Variants in FSTL4 observed in about 807,000 individuals in gnomAD.
FSTL4 encodes the protein follistatin like 4, also known as follistatin-related protein 4.
FSTL4 carries 28 observed loss-of-function variants against 78.2 expected under a neutral mutation model. That is an observed-to-expected ratio of 0.36 (90% CI 0.27 to 0.49). The LOEUF is 0.49. Ranked by LOEUF, FSTL4 falls within the 20% of genes least tolerant of loss-of-function variation. FSTL4 has a pLI of 0.98. For synonymous variants in FSTL4, 422 were observed against 440.5 expected, an observed-to-expected ratio of 0.96 and a Z score of 0.53; for missense variants, 922 against 1,084.9, an observed-to-expected ratio of 0.85 and a Z score of 2.11.
chr5:133,571,008 A>G (rs1056897501), intron 2 of FSTL4, among the ~76,000 whole-genome samples: 1 of 152,024 alleles, frequency 6.6e-6, no homozygotes, highest in African/African-American at 2.4e-5. Context: ...TGAGCTCAAC[A>G]TTTTCGGCTT....
chr5:133,220,188 C>A (rs909163870), intron 12 of FSTL4, among the ~76,000 whole-genome samples: 1 of 152,228 alleles, frequency 6.6e-6, no homozygotes, highest in East Asian at 1.9e-4. Flanking sequence ...TTGACATGAC[C>A]CTTTGGGATT....
chr5:133,391,172 T>C (rs1457686155), intron 4 of FSTL4, among the ~76,000 whole-genome samples: 2 of 152,182 alleles, frequency 1.3e-5, no homozygotes, highest in African/African-American at 4.8e-5. Flanking sequence ...ACACAGATAA[T>C]TAGACAAACT....
At chr5:133,650,934 G>GT in the FSTL4 span, among the ~76,000 whole-genome samples, 1 of 152,120 alleles carries the variant, frequency 6.6e-6, no homozygotes, top group Non-Finnish European at 1.5e-5. Flanking sequence ...GAATTTTGTA[G>GT]TTTTCCTCAT....
chr5:133,227,608 G>A (rs1284374945), intron 8 of FSTL4, among the ~76,000 whole-genome samples: 8 of 152,140 alleles, frequency 5.3e-5, no homozygotes, highest in Admixed American at 5.2e-4. Flanking sequence ...GAATGGCCAG[G>A]ACCTGGGGTT....
At chr5:133,783,904 C>A in the FSTL4 span, among the ~76,000 whole-genome samples, 2 of 146,522 alleles carry the variant, frequency 1.4e-5, no homozygotes, top group African/African-American at 2.6e-5. Context: ...GCAGAGTCTG[C>A]GAGAACAGTT....
the FSTL4 span, among the ~76,000 whole-genome samples, chr5:133,794,408 T>C: frequency 6.6e-6 from 1 of 152,340 alleles, no homozygotes; most frequent in Admixed American, 6.5e-5. Flanking sequence ...ACCAAGGCCA[T>C]GCTGGCCCTT....
At chr5:133,515,611 T>C (rs1320128083) in intron 3 of FSTL4, among the ~76,000 whole-genome samples, 2 of 150,674 alleles carry the variant, frequency 1.3e-5, no homozygotes, top group Non-Finnish European at 3.0e-5. Flanking sequence ...ATAATAACTA[T>C]AAATAGGTTA....
At chr5:133,371,423 G>C (rs916013761) in intron 4 of FSTL4, among the ~76,000 whole-genome samples, 17 of 152,214 alleles carry the variant, frequency 1.1e-4, no homozygotes, top group African/African-American at 4.1e-4. Flanking sequence ...AAAACTCCCA[G>C]GATGGGAAAA....
At chr5:133,770,257 T>C in the FSTL4 span, among the ~76,000 whole-genome samples, 1 of 152,208 alleles carries the variant, frequency 6.6e-6, no homozygotes, top group African/African-American at 2.4e-5. Flanking sequence ...ACTCAGTTGC[T>C]GGATTGAAAG....
the FSTL4 span, among the ~76,000 whole-genome samples, chr5:133,716,927 C>G: frequency 8.5e-5 from 13 of 152,314 alleles, no homozygotes; most frequent in East Asian, 1.7e-3. Flanking sequence ...TTCATTCAGT[C>G]CAAGTATTTG....
At chr5:133,656,111 A>G in the FSTL4 span, among the ~76,000 whole-genome samples, 1 of 152,186 alleles carries the variant, frequency 6.6e-6, no homozygotes, top group African/African-American at 2.4e-5. Context: ...AACCTGAGAC[A>G]AGGATTCATG....
At chr5:133,703,036 T>C in the FSTL4 span, among the ~76,000 whole-genome samples, 3 of 152,228 alleles carry the variant, frequency 2.0e-5, no homozygotes, top group Non-Finnish European at 4.4e-5. Flanking sequence ...GAGAGCCGTG[T>C]CACCTACTGT....
chr5:133,764,389 C>T, the FSTL4 span, among the ~76,000 whole-genome samples: 1 of 152,178 alleles, frequency 6.6e-6, no homozygotes, highest in African/African-American at 2.4e-5. Context: ...CCGTATGATG[C>T]ACCAGGCATG....
intron 2 of FSTL4, among the ~76,000 whole-genome samples, chr5:133,589,969 AG>A (rs1331250244): frequency 6.6e-6 from 1 of 152,228 alleles, no homozygotes; most frequent in Non-Finnish European, 1.5e-5. Context: ...CTCTTTGAGA[AG>A]TCAATGAATT....
the FSTL4 span, among the ~76,000 whole-genome samples, chr5:133,713,318 TA>T: frequency 6.6e-5 from 10 of 152,236 alleles, no homozygotes; most frequent in Admixed American, 6.5e-4. Flanking sequence ...GACAAACCCA[TA>T]AAAAAGCAAA....
intron 3 of FSTL4, among the ~76,000 whole-genome samples, chr5:133,541,638 T>C (rs1203388080): frequency 1.3e-5 from 2 of 152,180 alleles, no homozygotes; most frequent in East Asian, 1.9e-4. Context: ...TCCATTAACA[T>C]GTTTTTTTCT....
chr5:133,681,332 G>A, the FSTL4 span, among the ~76,000 whole-genome samples: 1 of 152,328 alleles, frequency 6.6e-6, no homozygotes, highest in Non-Finnish European at 1.5e-5. Context: ...TGCCACACGG[G>A]CATATGCGCT....
At chr5:133,537,462 T>G (rs1759371496) in intron 3 of FSTL4, among the ~76,000 whole-genome samples, 1 of 152,200 alleles carries the variant, frequency 6.6e-6, no homozygotes, top group African/African-American at 2.4e-5. Context: ...ACAACCTTAT[T>G]AAAAGATATT....
chr5:133,540,490 G>C (rs987812240), intron 3 of FSTL4, among the ~76,000 whole-genome samples: 10 of 151,994 alleles, frequency 6.6e-5, no homozygotes, highest in African/African-American at 2.4e-4. Context: ...CTGGATGGAA[G>C]AGTCTATGAT....
Sources: allele counts gnomAD v4.1 joint callset (sites outside exome capture counted in the v4.1 genomes callset), GRCh38; gene constraint gnomAD v4.1.1; transcripts MANE v1.5; gene names NCBI Gene and HGNC (gene_info 2026-07-23, HGNC 2026-07-21).